LRP1: variants seen among roughly 807,000 people sequenced by gnomAD.
LRP1 encodes the protein prolow-density lipoprotein receptor-related protein 1.
Under a neutral mutation model 541.5 loss-of-function variants are expected in LRP1, and 51 were observed. That is an observed-to-expected ratio of 0.09 (90% CI 0.08 to 0.12). The LOEUF is 0.12. Among genes scored for constraint, LRP1 ranks in the 10% least tolerant of loss-of-function variants. LRP1 has a pLI of 1.00. For synonymous variants in LRP1, 2,219 were observed against 2,470.8 expected (o/e 0.90, Z 3.02); for missense variants, 3,878 against 6,376.2 (o/e 0.61, Z 13.34).
chr12:57,169,776 A>G (rs1213351677), intron 20 of LRP1, among the ~76,000 whole-genome samples: 1 of 152,234 alleles, frequency 6.6e-6, no homozygotes, highest in African/African-American at 2.4e-5. Context: ...GAGCCTGAAG[A>G]GACAGAGGAG....
At position 57,185,392 on chromosome 12, in the gene LRP1, G is replaced by A. The variant is rs1416263621; in HGVS notation, c.6464-139G>A. The A allele has an allele frequency of 1.5e-6, 2 of 1,328,180 alleles. No individual in the cohort carries two copies. Among genetic ancestry groups the A allele is most frequent in the Non-Finnish European group, 2.0e-6 (2 of 987,146 alleles). 82.3% of individuals were successfully genotyped at this position (1,328,180 alleles called of 1,614,324 possible). ...GTGCTCTGGGACAGATCTTGGCATT[G>A]GACTCTGGGCCCTGGAGGGTCATTC... On this transcript the variant is annotated intron_variant, in intron 40 of 88. Transcript: ENST00000243077. This position sits in a 1 kb window ranked among gnomAD's most constrained non-coding sequence, Gnocchi z 4.9.
chr12:57,163,723 G>A (rs1425858916), intron 15 of LRP1, among the ~76,000 whole-genome samples: 1 of 152,022 alleles, frequency 6.6e-6, no homozygotes, highest in African/African-American at 2.4e-5. Flanking sequence ...TTCCTCAGGG[G>A]GGTTATAATT....
Position 57,134,583 on chromosome 12 carries a change from A to G in LRP1, c.68-3876A>G, listed in dbSNP as rs1023402685. On this transcript the variant is annotated intron_variant, in intron 1 of 88. Transcript: ENST00000243077. ...TTTTTAGTAGAGACAGGGTTTCACC[A>G]TGTTGCCCAGGCTGGTCTCAAACTC... Among the ~76,000 whole-genome samples, 4 of 152,162 alleles carry G rather than the reference A, an allele frequency of 2.6e-5. No individual in the cohort carries two copies. In the East Asian group the frequency reaches 7.7e-4, roughly 29 times the overall value.
rs1197842785 is a variant in LRP1 at position 57,212,633 on chromosome 12, C to T, written c.*78C>T. 3 of 1,411,062 alleles carry T rather than the reference C, an allele frequency of 2.1e-6. No individual in the cohort carries two copies. The highest frequency in any genetic ancestry group is 4.7e-5 in the Admixed American group (2 of 42,498). The allele number at this position is 1,411,062 out of a possible 1,614,324, so 87.4% of individuals were successfully genotyped here. A position where few individuals can be genotyped will look rare whatever the true frequency, so the allele number is the denominator to read the frequency against. ...AGTCCTTCAGTGAGCCCCTCCCCAG[C>T]CAGCCCTTCCCTGGCCCCGCCGGAT... On this transcript the variant is annotated 3_prime_UTR_variant, in exon 89 of 89. Coordinates refer to ENST00000243077, the MANE Select transcript of LRP1 (RefSeq NM_002332.3). This position sits in a 1 kb window ranked among gnomAD's most constrained non-coding sequence, Gnocchi z 5.0.
chr12:57,152,516 T>C (rs2035545366), intron 6 of LRP1, among the ~76,000 whole-genome samples: 1 of 152,114 alleles, frequency 6.6e-6, no homozygotes, highest in Non-Finnish European at 1.5e-5. Flanking sequence ...AGCATTCATT[T>C]GAATCTGTTT....
chr12:57,156,177 G>A lies in LRP1; in HGVS notation c.1311G>A (p.Thr437=), dbSNP rs188064307. The change falls in exon 9 of 89, where the codon ACG becomes ACA. Residue 437 remains threonine, a synonymous_variant. Coordinates refer to ENST00000243077, the MANE Select transcript of LRP1 (RefSeq NM_002332.3). This position sits in a 1 kb window ranked among gnomAD's most constrained non-coding sequence, Gnocchi z 5.2. ...NSDNANAQQK[T]SVIRVNRFNS... ...ACAATGCCAATGCCCAGCAGAAGACGAGTGTGATCCGTGTGAACCGCTTTA... is the reference window on the plus strand; with the variant it reads ...ACAATGCCAATGCCCAGCAGAAGACAAGTGTGATCCGTGTGAACCGCTTTA... 4.0e-5 allele frequency: 65 copies of A among 1,614,076 alleles called. 1 individual carries two copies. The highest frequency in any genetic ancestry group is 2.6e-4 in the South Asian group (24 of 91,080).
intron 60 of LRP1, 21 bp downstream of exon 60, chr12:57,198,691 G>C (rs913462285): frequency 1.3e-6 from 2 of 1,591,076 alleles, no homozygotes; most frequent in Admixed American, 3.5e-5. Flanking sequence ...CAGTGAGGCT[G>C]TCCAGGCACA....
rs1266110761 is a variant in LRP1, at chr12:57,212,213, T to G, written c.13446T>G (p.Asp4482Glu). The G allele has an allele frequency of 1.2e-6, 2 of 1,613,822 alleles. No homozygotes were observed. The highest frequency in any genetic ancestry group is 4.5e-5 in the East Asian group (2 of 44,886). The change falls in exon 88 of 89, where the codon GAT becomes GAG. Residue 4482 changes from aspartate (D) to glutamate (E), a missense_variant. Physicochemically the swap from Asp to Glu is conservative, Grantham distance 45. Transcript: ENST00000243077. The surrounding 1 kb of genome is among the most constrained non-coding windows in gnomAD (Gnocchi z 5.0). Reference protein sequence around the residue: ...TYKMYEGGEPDDVGGLLDADF... With the variant: ...TYKMYEGGEPEDVGGLLDADF... ...AGATGTACGAAGGCGGAGAGCCTGA[T>G]GATGTGGGAGGCCTACTGGACGCTG...
chr12:57,177,506 G>A lies in LRP1; in HGVS notation c.4276G>A (p.Val1426Met). Reference protein sequence around the residue: ...ASMSGAGRRTVHRETGSGGWP... With the variant: ...ASMSGAGRRTMHRETGSGGWP... Reference sequence around the variant, plus strand: ...CATGAGTGGGGCTGGGCGCCGCACCGTGCACCGGGAGACCGGCTCTGGGGG... The same window carrying A: ...CATGAGTGGGGCTGGGCGCCGCACCATGCACCGGGAGACCGGCTCTGGGGG... Residue 1426 changes from valine to methionine, a missense_variant, in exon 26 of 89, where the codon GTG becomes ATG. By Grantham distance (21) the Val-to-Met change is conservative. Coordinates refer to ENST00000243077, the MANE Select transcript of LRP1 (RefSeq NM_002332.3). This position sits in a 1 kb window ranked among gnomAD's most constrained non-coding sequence, Gnocchi z 6.8. 2 of 1,613,758 alleles carry A rather than the reference G, an allele frequency of 1.2e-6. No homozygotes were observed. The highest frequency in any genetic ancestry group is 1.7e-6 in the Non-Finnish European group (2 of 1,179,948).
Position 57,196,014 on chromosome 12 carries a change from G to T in LRP1, c.8701+11G>T. Reference sequence around the variant, plus strand: ...ACTGCACCAGCCAAGGTGGGCCCCAGACCTGGCTCCCCTCTGCCCCCTCCC... The same window carrying T: ...ACTGCACCAGCCAAGGTGGGCCCCATACCTGGCTCCCCTCTGCCCCCTCCC... On this transcript the variant is annotated intron_variant, in intron 54 of 88. Coordinates refer to ENST00000243077, the MANE Select transcript of LRP1 (RefSeq NM_002332.3). 1 of 1,612,310 alleles carries T rather than the reference G, an allele frequency of 6.2e-7. No homozygotes were observed. The highest frequency in any genetic ancestry group is 1.1e-5 in the South Asian group (1 of 91,080).
chr12:57,167,486 A>G lies in LRP1; in HGVS notation c.2957A>G (p.Asn986Ser), dbSNP rs1045581613. 1 of 1,614,006 alleles carries G rather than the reference A, an allele frequency of 6.2e-7. No homozygotes were observed. The highest frequency in any genetic ancestry group is 8.5e-7 in the Non-Finnish European group (1 of 1,179,990). Residue 986 changes from asparagine (N) to serine (S), a missense_variant, in exon 19 of 89, where the codon AAT becomes AGT. Coordinates refer to ENST00000243077, the MANE Select transcript of LRP1 (RefSeq NM_002332.3). ...CFPLTQFTCNNGRCININWRC... is the reference protein window; with the variant it reads ...CFPLTQFTCNSGRCININWRC... ...CCCCTGACTCAGTTTACCTGCAACA[A>G]TGGCAGATGTATCAACATCAACTGG... is the stretch of plus-strand genomic sequence containing the variant.
chr12:57,195,498 G>C (rs148507374), intron 52 of LRP1, 99 bp downstream of exon 52: 815 of 1,571,658 alleles, frequency 5.2e-4, no homozygotes, highest in Non-Finnish European at 6.5e-4. Flanking sequence ...ATGCCTCAGC[G>C]GGGTCCACTG....
At chr12:57,167,839 G>T (rs1038129744) in intron 19 of LRP1, among the ~76,000 whole-genome samples, 1 of 152,194 alleles carries the variant, frequency 6.6e-6, no homozygotes, top group Non-Finnish European at 1.5e-5. Context: ...AGGAGAAACC[G>T]GTGCCTGACT....
chr12:57,205,285 G>A lies in LRP1; in HGVS notation c.11335+36G>A. ...GCAGCGGACCGGACGCTGGTGGGGA[G>A]TGGGGAGAGCCAAGCCCTGGCCTGG... On this transcript the variant is annotated intron_variant, in intron 73 of 88. Transcript: ENST00000243077. This position sits in a 1 kb window ranked among gnomAD's most constrained non-coding sequence, Gnocchi z 4.6. The A allele has an allele frequency of 6.3e-7, 1 of 1,599,078 alleles. No homozygotes were observed. The highest frequency in any genetic ancestry group is 1.7e-4 in the Middle Eastern group (1 of 6,008).
rs142210952 is a variant in LRP1 at position 57,135,943 on chromosome 12, G to T, written c.68-2516G>T. On this transcript the variant is annotated intron_variant, in intron 1 of 88. Transcript: ENST00000243077. ...CGGTGACCTCAGGCCGTGGCTGTGC[G>T]CTCTGCCCCTGGGAGGAGCAGGGCA... is the stretch of plus-strand genomic sequence containing the variant. Among the ~76,000 whole-genome samples the T allele has an allele frequency of 3.5e-3, 534 of 152,290 alleles. 2 individuals carry two copies. Among genetic ancestry groups the T allele is most frequent in the African/African-American group, 0.012 (513 of 41,554 alleles).
intron 76 of LRP1, among the ~76,000 whole-genome samples, chr12:57,207,086 C>CA (rs2036795956): frequency 6.6e-6 from 1 of 151,834 alleles, no homozygotes. Context: ...TTAAAAAATA[C>CA]AAAAAAATTA....
At chr12:57,171,536 G>C (rs968163647) in intron 20 of LRP1, among the ~76,000 whole-genome samples, 5 of 152,278 alleles carry the variant, frequency 3.3e-5, no homozygotes, top group Non-Finnish European at 7.3e-5. Context: ...ATGACAGCAG[G>C]TGTAAATCGT....
At chr12:57,172,448 C>T (rs867542822) in intron 20 of LRP1, among the ~76,000 whole-genome samples, 3 of 152,158 alleles carry the variant, frequency 2.0e-5, no homozygotes, top group Admixed American at 1.3e-4. Context: ...GGATTACAGG[C>T]GTGAGCCACC....
intron 42 of LRP1, 50 bp from the exon 43 acceptor site, chr12:57,190,755 T>C: frequency 6.4e-7 from 1 of 1,562,092 alleles, no homozygotes; most frequent in East Asian, 2.3e-5. Flanking sequence ...GTGCCCTCTG[T>C]TGTGGATTCT....
Sources: gnomAD v4.1 joint callset for allele counts (sites outside exome capture counted in the v4.1 genomes callset) on GRCh38, gnomAD v4.1.1 for gene constraint, Gnocchi (gnomAD v3.1) non-coding constraint, MANE v1.5 for transcripts, NCBI Gene and HGNC (gene_info 2026-07-23, HGNC 2026-07-21) for gene names.